Variants in EIF2S3B observed in about 807,000 individuals in gnomAD.
EIF2S3B encodes the protein eukaryotic translation initiation factor 2 subunit gamma B.
In EIF2S3B, 16 loss-of-function variants were observed where a neutral mutation model predicts 26.4. The observed-to-expected ratio is 0.61, with a 90% CI of 0.41 to 0.92. The LOEUF is 0.92. Ranked by LOEUF, EIF2S3B falls within the 40% of genes least tolerant of loss-of-function variation. The pLI is 0.00. For synonymous variants in EIF2S3B, 183 were observed against 204.4 expected (o/e 0.90, Z 0.89); for missense variants, 510 against 575.5 (o/e 0.89, Z 1.16).
intron 1 of EIF2S3B, among the ~76,000 whole-genome samples, chr12:10,516,515 C>A (rs1437952753): frequency 6.6e-6 from 1 of 151,820 alleles, no homozygotes; most frequent in Non-Finnish European, 1.5e-5. Context: ...AAATATTACA[C>A]ATAAATACAC....
chr12:10,517,558 C>T (rs1330242896), intron 1 of EIF2S3B, among the ~76,000 whole-genome samples: 1 of 152,128 alleles, frequency 6.6e-6, no homozygotes, highest in East Asian at 1.9e-4. Flanking sequence ...TTTCAAAAAA[C>T]CAGCTCCTGG....
chr12:10,509,947 T>C (rs1366461106), downstream of EIF2S3B, among the ~76,000 whole-genome samples: 1 of 152,168 alleles, frequency 6.6e-6, no homozygotes, highest in African/African-American at 2.4e-5. Flanking sequence ...ATCCTATTTT[T>C]TTCCATGGAC....
At chr12:10,517,095 G>A (rs894425923) in intron 1 of EIF2S3B, among the ~76,000 whole-genome samples, 5 of 151,868 alleles carry the variant, frequency 3.3e-5, no homozygotes, top group South Asian at 4.2e-4. Flanking sequence ...GTCTCTGCCC[G>A]GCTTTGGTAT....
intron 1 of EIF2S3B, among the ~76,000 whole-genome samples, chr12:10,513,651 C>G (rs1864726764): frequency 6.6e-6 from 1 of 152,192 alleles, no homozygotes; most frequent in Non-Finnish European, 1.5e-5. Context: ...CCATGTTCAG[C>G]TTTAGAAGAT....
At chr12:10,522,529 A>G (rs1591638017) in intron 1 of EIF2S3B, 1 of 585,080 alleles carries the variant, frequency 1.7e-6, no homozygotes, top group East Asian at 2.8e-5. Flanking sequence ...GTCTTTCCTT[A>G]TACCTAAATA....
At chr12:10,512,250 T>C (rs1864712039), downstream of EIF2S3B, among the ~76,000 whole-genome samples, 2 of 151,984 alleles carry the variant, frequency 1.3e-5, no homozygotes, top group African/African-American at 4.8e-5. Context: ...GTAGTCTTTA[T>C]GCAATGAATA....
downstream of EIF2S3B, among the ~76,000 whole-genome samples, chr12:10,510,076 G>T (rs1377291404): frequency 1.3e-5 from 2 of 152,082 alleles, no homozygotes; most frequent in Non-Finnish European, 2.9e-5. Flanking sequence ...ATCCAAGGCA[G>T]TTTATCTTTT....
downstream of EIF2S3B, among the ~76,000 whole-genome samples, chr12:10,511,620 C>T (rs1378056777): frequency 6.6e-6 from 1 of 151,974 alleles, no homozygotes; most frequent in Non-Finnish European, 1.5e-5. Flanking sequence ...ATTTATAAAA[C>T]AAAAGATATA....
intron 1 of EIF2S3B, among the ~76,000 whole-genome samples, chr12:10,520,091 C>T (rs1220953829): frequency 3.4e-5 from 5 of 148,552 alleles, no homozygotes; most frequent in Admixed American, 1.3e-4. Flanking sequence ...TTCACAATAG[C>T]AAAGACTTGG....
chr12:10,519,868 T>C (rs1157816025), intron 1 of EIF2S3B, among the ~76,000 whole-genome samples: 3 of 151,332 alleles, frequency 2.0e-5, no homozygotes, highest in Middle Eastern at 3.2e-3. Context: ...CAACAGGTGC[T>C]GGAGAGGATG....
Position 10,507,348 on chromosome 12 carries a change from G to A in EIF2S3B, c.*27G>A. On this transcript the variant is annotated 3_prime_UTR_variant, in exon 1 of 1. Transcript: ENST00000538173. Reference sequence around the variant, plus strand: ...GAATACCGGTTAAATAATACATTCGGATGGAGCTGGAAGTTGCAATTTCTC... The same window carrying A: ...GAATACCGGTTAAATAATACATTCGAATGGAGCTGGAAGTTGCAATTTCTC... 1.2e-6 allele frequency: 2 copies of A among 1,611,802 alleles called. No homozygotes were observed. Among genetic ancestry groups the A allele is most frequent in the Non-Finnish European group, 1.7e-6 (2 of 1,177,930 alleles).
chr12:10,507,280 A>G lies in EIF2S3B; in HGVS notation c.1378A>G (p.Arg460Gly), dbSNP rs1380198943. Residue 460 changes from arginine to glycine, a missense_variant, in exon 1 of 1, where the codon AGA (arginine) becomes GGA (glycine). Physicochemically the swap from Arg to Gly is moderately radical, Grantham distance 125 (BLOSUM62 -2). Transcript: ENST00000538173. ...GCGTTTAATTGGTTGGGGTCAGATA[A>G]GAAGAGGAGTGACAATCAAGCCAAC... is the stretch of plus-strand genomic sequence containing the variant. ...HWRLIGWGQI[R>G]RGVTIKPTVD... 1.2e-5 allele frequency: 19 copies of G among 1,613,576 alleles called. No individual in the cohort carries two copies. The highest frequency in any genetic ancestry group is 1.6e-5 in the Non-Finnish European group (19 of 1,179,488).
rs1864635267 is a variant in EIF2S3B, at chr12:10,506,666, G to A, written c.764G>A (p.Arg255Gln). Residue 255 changes from arginine to glutamine, a missense_variant, in exon 1 of 1, where the codon CGG (arginine) becomes CAG (glutamine). Physicochemically the swap from Arg to Gln is conservative, Grantham distance 43 (BLOSUM62 1). Coordinates refer to ENST00000538173, the MANE Select transcript of EIF2S3B (RefSeq NM_001357734.3). ...VPPRDFTSEP[R>Q]LIVIRSFDVN... ...CCAAGAGACTTTACTTCAGAGCCCC[G>A]GCTTATTGTTATTAGATCTTTTGAT... 3.1e-6 allele frequency: 5 copies of A among 1,613,792 alleles called. No individual in the cohort carries two copies. The highest frequency in any genetic ancestry group is 1.3e-5 in the African/African-American group (1 of 74,878).
chr12:10,511,139 C>T (rs994870642), downstream of EIF2S3B, among the ~76,000 whole-genome samples: 59 of 151,780 alleles, frequency 3.9e-4, no homozygotes, highest in African/African-American at 1.3e-3. Context: ...CTTAAGTACT[C>T]AGTACATATT....
At chr12:10,517,484 T>TATTTG (rs1864770784) in intron 1 of EIF2S3B, among the ~76,000 whole-genome samples, 1 of 152,192 alleles carries the variant, frequency 6.6e-6, no homozygotes, top group Non-Finnish European at 1.5e-5. Flanking sequence ...TTATTGTGTC[T>TATTTG]ATTTGATTTT....
chr12:10,518,671 C>T (rs1361483675), intron 1 of EIF2S3B, among the ~76,000 whole-genome samples: 1 of 152,052 alleles, frequency 6.6e-6, no homozygotes, highest in Non-Finnish European at 1.5e-5. Context: ...TCTCAAGATA[C>T]AAAATCAATG....
At chr12:10,510,968 GTCT>G (rs1864698939), downstream of EIF2S3B, among the ~76,000 whole-genome samples, 1 of 152,014 alleles carries the variant, frequency 6.6e-6, no homozygotes, top group Non-Finnish European at 1.5e-5. Flanking sequence ...TGACAATAGG[GTCT>G]TCTTTAGTGA....
chr12:10,513,556 C>T (rs1396017458), intron 1 of EIF2S3B, among the ~76,000 whole-genome samples: 1 of 152,192 alleles, frequency 6.6e-6, no homozygotes, highest in Non-Finnish European at 1.5e-5. Context: ...AAATTGTTAA[C>T]AGCACTGCTG....
intron 1 of EIF2S3B, among the ~76,000 whole-genome samples, chr12:10,521,590 A>C (rs943239375): frequency 2.6e-5 from 4 of 152,144 alleles, no homozygotes; most frequent in Non-Finnish European, 4.4e-5. Flanking sequence ...AAACCATAAA[A>C]TAATCTCTCT....
Sources: allele counts gnomAD v4.1 joint callset (sites outside exome capture counted in the v4.1 genomes callset), GRCh38; gene constraint gnomAD v4.1.1; transcripts MANE v1.5; gene names NCBI Gene and HGNC (gene_info 2026-07-23, HGNC 2026-07-21).